EEF1G: variants seen among roughly 807,000 people sequenced by gnomAD.
EEF1G encodes the protein eukaryotic translation elongation factor 1 gamma, also known as elongation factor 1-gamma.
EEF1G carries 14 observed loss-of-function variants against 58.3 expected under a neutral mutation model. The ratio of observed to expected loss-of-function variants is 0.24; its 90% CI spans 0.16 to 0.38. The LOEUF is 0.38. Among genes scored for constraint, EEF1G ranks in the 10% least tolerant of loss-of-function variants. The probability of loss-of-function intolerance (pLI) is 1.00; values close to 1 mark genes in which losing one functional copy is unlikely to be tolerated. For missense variants in EEF1G, 322 were observed against 550.1 expected (o/e 0.59, Z 4.15); for synonymous variants, 180 against 206.8 (o/e 0.87, Z 1.11).
intron 7 of EEF1G, among the ~76,000 whole-genome samples, chr11:62,560,695 G>T (rs1590706199): frequency 6.6e-6 from 1 of 152,164 alleles, no homozygotes; most frequent in Non-Finnish European, 1.5e-5. Flanking sequence ...TCTGAGACCT[G>T]CCCCAGGAAG....
At chr11:62,567,074 C>T (rs1016804819) in intron 6 of EEF1G, 64 bp from the exon 7 acceptor site, 2 of 1,543,858 alleles carry the variant, frequency 1.3e-6, no homozygotes, top group Admixed American at 1.7e-5. Flanking sequence ...CCTCCAAAAC[C>T]ACACAGAGCA....
intron 5 of EEF1G, 83 bp downstream of exon 5, chr11:62,570,881 GA>G (rs1941619246): frequency 6.3e-7 from 1 of 1,579,694 alleles, no homozygotes; most frequent in Non-Finnish European, 8.7e-7. Context: ...GTCCTCAGCA[GA>G]ATACAGGGTA....
chr11:62,569,939 T>A (rs930496450), intron 5 of EEF1G, among the ~76,000 whole-genome samples: 1 of 152,172 alleles, frequency 6.6e-6, no homozygotes, highest in African/African-American at 2.4e-5. Flanking sequence ...ACCCTGATTT[T>A]ATAGATTGCA....
intron 7 of EEF1G, among the ~76,000 whole-genome samples, chr11:62,566,545 T>A (rs887015020): frequency 3.9e-5 from 6 of 152,210 alleles, no homozygotes; most frequent in Admixed American, 3.3e-4. Flanking sequence ...TACCACTATA[T>A]CAAAATCTGT....
intron 1 of EEF1G, 34 bp downstream of exon 1, chr11:62,573,797 G>A (rs199701843): frequency 6.2e-7 from 1 of 1,613,464 alleles, no homozygotes; most frequent in African/African-American, 1.3e-5. Context: ...GCGGTGGATA[G>A]GATGACCCGA....
chr11:62,572,437 C>A, intron 2 of EEF1G, 147 bp downstream of exon 2: 1 of 1,089,806 alleles, frequency 9.2e-7, no homozygotes, highest in South Asian at 1.6e-5. Flanking sequence ...ACATGTAAAT[C>A]TGTATTTATC....
chr11:62,568,800 C>T lies in EEF1G; in HGVS notation c.523-1272G>A, dbSNP rs531385151. ...CCAGCCTGGCAAACATGGTGAAACC[C>T]CGCCTCTCCTAAAAATACAAAAATC... On this transcript the variant is annotated intron_variant, in intron 5 of 9. Transcript: ENST00000329251. Among the ~76,000 whole-genome samples, 4 of 151,878 alleles carry T rather than the reference C, an allele frequency of 2.6e-5. No individual in the cohort carries two copies. In the East Asian group the frequency reaches 5.9e-4, roughly 22 times the overall value.
intron 5 of EEF1G, among the ~76,000 whole-genome samples, chr11:62,570,312 T>C (rs1235111495): frequency 1.3e-5 from 2 of 152,098 alleles, no homozygotes. Context: ...TCCACCCGCC[T>C]AGGCCTCCCA....
chr11:62,567,317 C>T, intron 6 of EEF1G, 82 bp downstream of exon 6: 1 of 1,500,410 alleles, frequency 6.7e-7, no homozygotes, highest in Non-Finnish European at 8.9e-7. Flanking sequence ...AACCCAAAAG[C>T]AAGACAGGAA....
chr11:62,567,733 C>A (rs893403522), intron 5 of EEF1G, among the ~76,000 whole-genome samples: 10 of 148,282 alleles, frequency 6.7e-5, no homozygotes, highest in Non-Finnish European at 1.2e-4. Flanking sequence ...GAGACAGAGT[C>A]TCACTCTATC....
chr11:62,564,758 CAAAAAAAA>C (rs34663205), intron 7 of EEF1G, among the ~76,000 whole-genome samples: 1 of 75,046 alleles, frequency 1.3e-5, no homozygotes, highest in African/African-American at 7.6e-5. Context: ...GACTCCATCT[CAAAAAAAA>C]AAAAAAAAAA....
intron 7 of EEF1G, among the ~76,000 whole-genome samples, chr11:62,565,951 C>A (rs569018648): frequency 1.6e-4 from 25 of 152,174 alleles, no homozygotes; most frequent in African/African-American, 5.3e-4. Flanking sequence ...AAATGTAAAC[C>A]CTAGCAGACC....
At chr11:62,573,567 G>C (rs140735819) in intron 1 of EEF1G, 12 of 580,578 alleles carry the variant, frequency 2.1e-5, no homozygotes, top group Middle Eastern at 6.0e-4. Flanking sequence ...CAACAGAGCC[G>C]AACCCCTTTC....
intron 7 of EEF1G, among the ~76,000 whole-genome samples, chr11:62,561,079 A>G (rs7943191): frequency 0.27 from 40,411 of 152,096 alleles, 6,179 homozygotes; most frequent in Non-Finnish European, 0.36. Context: ...TCCCTCCACG[A>G]TTGGTGCTCT....
rs141171631 is a variant in EEF1G, at chr11:62,568,265, G to A, written c.523-737C>T. Among the ~76,000 whole-genome samples the A allele has an allele frequency of 3.2e-3, 485 of 150,932 alleles. 1 individual carries two copies. Among genetic ancestry groups the A allele is most frequent in the African/African-American group, 0.011 (444 of 41,162 alleles). ...TAGCTGGGCGTGGTGGCACGTGCCTGTAGTCCCAGCTACTCCAGAGGCTGA... is the reference window on the plus strand; with the variant it reads ...TAGCTGGGCGTGGTGGCACGTGCCTATAGTCCCAGCTACTCCAGAGGCTGA... On this transcript the variant is annotated intron_variant, in intron 5 of 9. Coordinates refer to ENST00000329251, the MANE Select transcript of EEF1G (RefSeq NM_001404.5).
At position 62,560,072 on chromosome 11, in the gene EEF1G, A is replaced by C. The variant is rs1451988963; in HGVS notation, c.1152T>G (p.Phe384Leu). The change falls in exon 9 of 10, where the codon TTT becomes TTG. Residue 384 changes from phenylalanine to leucine, a missense_variant. This residue lies in a region of EEF1G where 208 missense variants were observed against 323.7 expected (regional missense o/e 0.64). Transcript: ENST00000329251. ...TCCTCTCCTCCACCTTCCTCACCGGAAAGGCAAGCTCCTGGCCTCGGAAGA... is the reference window on the plus strand; with the variant it reads ...TCCTCTCCTCCACCTTCCTCACCGGCAAGGCAAGCTCCTGGCCTCGGAAGA... ...VWVFRGQELA[F>L]PLSPDWQVDY... 8 of 1,613,960 alleles carry C rather than the reference A, an allele frequency of 5.0e-6. No individual in the cohort carries two copies. The highest frequency in any genetic ancestry group is 6.8e-6 in the Non-Finnish European group (8 of 1,179,888).
At position 62,567,412 on chromosome 11, in the gene EEF1G, C is replaced by T. The variant is rs766947119; in HGVS notation, c.639G>A (p.Met213Ile). Residue 213 changes from methionine (M) to isoleucine (I), a missense_variant, in exon 6 of 10, where the codon ATG becomes ATA. By Grantham distance (10) the Met-to-Ile change is conservative. Transcript: ENST00000329251. ...VLGEVKLCEK[M>I]AQFDAKKFAE... Reference sequence around the variant, plus strand: ...CCTCAGACTCACCATCAAACTGGGCCATCTTCTCACACAGTTTCACTTCGC... The same window carrying T: ...CCTCAGACTCACCATCAAACTGGGCTATCTTCTCACACAGTTTCACTTCGC... 1 of 1,611,844 alleles carries T rather than the reference C, an allele frequency of 6.2e-7. No homozygotes were observed. Among genetic ancestry groups the T allele is most frequent in the Non-Finnish European group, 8.5e-7 (1 of 1,178,958 alleles).
intron 5 of EEF1G, among the ~76,000 whole-genome samples, chr11:62,570,227 A>G (rs1357625426): frequency 6.6e-6 from 1 of 151,852 alleles, no homozygotes; most frequent in Admixed American, 6.6e-5. Context: ...ACGCCCGGCT[A>G]ATTTTCGTAT....
chr11:62,563,418 G>T (rs1342202021), intron 7 of EEF1G, among the ~76,000 whole-genome samples: 2 of 152,266 alleles, frequency 1.3e-5, no homozygotes, highest in South Asian at 4.1e-4. Context: ...TCACAGGCGT[G>T]AGCCACCGCG....
Sources: allele counts gnomAD v4.1 joint callset (sites outside exome capture counted in the v4.1 genomes callset), GRCh38; gene constraint gnomAD v4.1.1; regional missense constraint gnomAD v4.1.1; transcripts MANE v1.5; gene names NCBI Gene and HGNC (gene_info 2026-07-23, HGNC 2026-07-21).